The following RABGAP1L variants were observed in gnomAD, a reference collection of about 807,000 sequenced individuals.
RABGAP1L encodes the protein RAB GTPase activating protein 1 like.
A neutral mutation model predicts 137.7 loss-of-function variants in RABGAP1L; 63 were observed. The ratio of observed to expected loss-of-function variants is 0.46; its 90% CI spans 0.37 to 0.56. The LOEUF (loss-of-function observed/expected upper bound fraction) is 0.56, where lower values mean the gene tolerates loss of function less well. RABGAP1L is among the 20% of genes least tolerant of loss of function. RABGAP1L has a pLI of 0.00. For missense variants in RABGAP1L, 1,095 were observed against 1,244.0 expected, an observed-to-expected ratio of 0.88 and a Z score of 1.80; for synonymous variants, 431 against 433.7, an observed-to-expected ratio of 0.99 and a Z score of 0.08.
chr1:174,805,532 C>T (rs1001249255), intron 18 of RABGAP1L, among the ~76,000 whole-genome samples: 3 of 152,068 alleles, frequency 2.0e-5, no homozygotes, highest in South Asian at 2.1e-4. Flanking sequence ...GACAAAGTCT[C>T]GTTCTGTTGC....
chr1:174,426,406 A>G (rs1258418944), intron 13 of RABGAP1L, among the ~76,000 whole-genome samples: 1 of 152,088 alleles, frequency 6.6e-6, no homozygotes, highest in Non-Finnish European at 1.5e-5. Context: ...ATAAAAACAT[A>G]ATATAGATAT....
At chr1:174,747,423 A>AAAACCTGATAG (rs1683966596) in intron 17 of RABGAP1L, among the ~76,000 whole-genome samples, 1 of 151,522 alleles carries the variant, frequency 6.6e-6, no homozygotes, top group Non-Finnish European at 1.5e-5. Flanking sequence ...AAAAAAAAAA[A>AAAACCTGATAG]AAACCTGATA....
chr1:174,550,943 T>C (rs11801647), intron 13 of RABGAP1L, among the ~76,000 whole-genome samples: 3 of 117,654 alleles, frequency 2.5e-5, no homozygotes, highest in Non-Finnish European at 5.0e-5. Flanking sequence ...CACATATATA[T>C]ACACACATAT....
At chr1:174,835,652 A>C (rs1356265614) in intron 19 of RABGAP1L, among the ~76,000 whole-genome samples, 2 of 152,150 alleles carry the variant, frequency 1.3e-5, no homozygotes, top group East Asian at 3.8e-4. Context: ...CTGGCTTCTA[A>C]AATTATTTTC....
chr1:174,171,932 C>G (rs558543927), intron 1 of RABGAP1L, among the ~76,000 whole-genome samples: 5 of 152,084 alleles, frequency 3.3e-5, no homozygotes, highest in Admixed American at 6.5e-5. Flanking sequence ...ACCCGGGAGG[C>G]GGAGGTTGCA....
At chr1:174,233,930 G>T (rs1294233300) in intron 4 of RABGAP1L, among the ~76,000 whole-genome samples, 1 of 126,204 alleles carries the variant, frequency 7.9e-6, no homozygotes, top group Admixed American at 7.6e-5. Flanking sequence ...AGCACCTGTT[G>T]TTTCCTGACT....
intron 19 of RABGAP1L, among the ~76,000 whole-genome samples, chr1:174,867,823 T>G (rs937148916): frequency 6.6e-6 from 1 of 152,128 alleles, no homozygotes; most frequent in African/African-American, 2.4e-5. Context: ...TTTTGTATTT[T>G]TAGTAGAGAT....
At chr1:174,278,810 T>G in intron 10 of RABGAP1L, 31 bp downstream of exon 10, 1 of 1,385,608 alleles carries the variant, frequency 7.2e-7, no homozygotes, top group Non-Finnish European at 9.5e-7. Flanking sequence ...TCATATATAG[T>G]AACAAACATT....
intron 13 of RABGAP1L, among the ~76,000 whole-genome samples, chr1:174,400,522 A>G (rs1648441984): frequency 2.0e-5 from 3 of 152,102 alleles, no homozygotes; most frequent in Admixed American, 2.0e-4. Flanking sequence ...ACTTATTTGT[A>G]TAGTTATTTA....
chr1:174,514,642 A>T (rs902361037), intron 13 of RABGAP1L, among the ~76,000 whole-genome samples: 15 of 152,278 alleles, frequency 9.9e-5, no homozygotes, highest in African/African-American at 3.4e-4. Flanking sequence ...TCCCTCAGCA[A>T]ATGTTTGCTT....
intron 13 of RABGAP1L, among the ~76,000 whole-genome samples, chr1:174,437,426 G>A (rs1442765533): frequency 6.6e-6 from 1 of 152,152 alleles, no homozygotes; most frequent in Non-Finnish European, 1.5e-5. Context: ...ACGAATGCAC[G>A]AGCCTCAGTA....
intron 12 of RABGAP1L, among the ~76,000 whole-genome samples, chr1:174,384,797 T>C (rs1262323027): frequency 6.6e-6 from 1 of 152,220 alleles, no homozygotes; most frequent in Non-Finnish European, 1.5e-5. Flanking sequence ...AATTCATATT[T>C]ATTGACTGAA....
At chr1:174,605,331 G>A (rs1029193983) in intron 13 of RABGAP1L, among the ~76,000 whole-genome samples, 1 of 152,136 alleles carries the variant, frequency 6.6e-6, no homozygotes, top group African/African-American at 2.4e-5. Context: ...ATAAGCAGAT[G>A]TTATTCTTTA....
At chr1:174,286,581 T>C (rs895369590) in intron 10 of RABGAP1L, among the ~76,000 whole-genome samples, 1 of 152,154 alleles carries the variant, frequency 6.6e-6, no homozygotes, top group South Asian at 2.1e-4. Context: ...GTCTTTACTA[T>C]TTTTTCCATA....
At chr1:174,597,066 T>C (rs956268805) in intron 13 of RABGAP1L, among the ~76,000 whole-genome samples, 1 of 152,196 alleles carries the variant, frequency 6.6e-6, no homozygotes, top group Non-Finnish European at 1.5e-5. Flanking sequence ...GGGATAAATC[T>C]CAGTTGATCA....
In RABGAP1L at chr1:174,912,391, C is replaced by T. The variant is rs141766826; in HGVS notation, c.2341-45066C>T. 2.3e-3 allele frequency among the ~76,000 whole-genome samples: 351 copies of T among 152,314 alleles called. 1 individual carries two copies. The highest frequency in any genetic ancestry group is 5.4e-3 in the South Asian group (26 of 4,822). On this transcript the variant is annotated intron_variant, in intron 19 of 25. Transcript: ENST00000681986. ...CTCCTGGCCTCATGTGATCCTCTCACCTTGGCCTCCTAAAGTGCTGGGATT... is the reference window on the plus strand; with the variant it reads ...CTCCTGGCCTCATGTGATCCTCTCATCTTGGCCTCCTAAAGTGCTGGGATT...
At chr1:174,695,954 G>GT (rs1030073462) in intron 15 of RABGAP1L, among the ~76,000 whole-genome samples, 4 of 152,100 alleles carry the variant, frequency 2.6e-5, no homozygotes, top group Non-Finnish European at 2.9e-5. Context: ...AATAAATAGT[G>GT]TTTTTTTCTC....
At position 174,266,490 on chromosome 1, in the gene RABGAP1L, A is replaced by G. The variant is rs1179330129; in HGVS notation, c.987-5924A>G. Among the ~76,000 whole-genome samples the G allele has an allele frequency of 3.3e-5, 5 of 152,288 alleles. No individual in the cohort carries two copies. The South Asian group carries it at 8.3e-4, about 25-fold the overall frequency. ...TCCTTGCTTTGTAGTTATGGTATAC[A>G]TTATTTTCTCTTACCGTGGTTCAGT... On this transcript the variant is annotated intron_variant, in intron 7 of 25. Coordinates refer to ENST00000681986, the MANE Select transcript of RABGAP1L (RefSeq NM_001366446.1).
At chr1:174,782,404 G>A (rs1380050353) in intron 18 of RABGAP1L, among the ~76,000 whole-genome samples, 1 of 152,102 alleles carries the variant, frequency 6.6e-6, no homozygotes, top group South Asian at 2.1e-4. Flanking sequence ...TGTGATTTTT[G>A]TACATTGATT....
Sources: allele counts gnomAD v4.1 joint callset (sites outside exome capture counted in the v4.1 genomes callset), GRCh38; gene constraint gnomAD v4.1.1; transcripts MANE v1.5; gene names NCBI Gene and HGNC (gene_info 2026-07-23, HGNC 2026-07-21).